The following MAP2K3 variants were observed in gnomAD, a reference collection of about 807,000 sequenced individuals.
The protein encoded by MAP2K3 is mitogen-activated protein kinase kinase 3, also known as dual specificity mitogen-activated protein kinase kinase 3.
A neutral mutation model predicts 46.4 loss-of-function variants in MAP2K3; 30 were observed. That is an observed-to-expected ratio of 0.65 (90% CI 0.48 to 0.88). The LOEUF (loss-of-function observed/expected upper bound fraction) is 0.88. Ranked by LOEUF, MAP2K3 falls within the 40% of genes least tolerant of loss-of-function variation. The pLI is 0.00. For synonymous variants in MAP2K3, 189 were observed against 176.3 expected (o/e 1.07, Z -0.57); for missense variants, 380 against 464.5 (o/e 0.82, Z 1.67).
chr17:21,296,482 G>T (rs576762175), intron 1 of MAP2K3, among the ~76,000 whole-genome samples: 1 of 152,430 alleles, frequency 6.6e-6, no homozygotes, highest in Admixed American at 6.5e-5. Flanking sequence ...CGAGACTTGG[G>T]CCCCTCCTTC....
At chr17:21,307,388 G>A (rs575039610) in intron 9 of MAP2K3, among the ~76,000 whole-genome samples, 3 of 152,378 alleles carry the variant, frequency 2.0e-5, no homozygotes, top group African/African-American at 7.2e-5. Context: ...AGGTAGGGGT[G>A]GCTCTGGGGA....
intron 9 of MAP2K3, among the ~76,000 whole-genome samples, chr17:21,310,936 C>A (rs73982791): frequency 1.3e-5 from 2 of 152,212 alleles, no homozygotes; most frequent in African/African-American, 4.8e-5. Flanking sequence ...CTCTCATGGC[C>A]GCTGGTCCTT....
intron 1 of MAP2K3, among the ~76,000 whole-genome samples, chr17:21,297,383 G>T (rs1976317609): frequency 6.6e-6 from 1 of 152,312 alleles, no homozygotes; most frequent in African/African-American, 2.4e-5. Flanking sequence ...CCAAGATGTG[G>T]CAGGATCATG....
At chr17:21,304,314 G>C (rs997909718) in intron 7 of MAP2K3, 112 bp from the exon 8 acceptor site, 2 of 1,572,638 alleles carry the variant, frequency 1.3e-6, no homozygotes, top group East Asian at 2.2e-5. Flanking sequence ...GGGCATGGGA[G>C]GGGGCACAGG....
At chr17:21,285,208 A>G in intron 1 of MAP2K3, 1 of 981,474 alleles carries the variant, frequency 1.0e-6, no homozygotes, top group East Asian at 1.1e-4. Context: ...CTGGACCCAG[A>G]CTAGGACTTT....
At position 21,312,188 on chromosome 17, in the gene MAP2K3, C is replaced by T. The variant is rs1254611514; in HGVS notation, c.821C>T (p.Pro274Leu). The T allele has an allele frequency of 5.0e-6, 8 of 1,595,214 alleles. No homozygotes were observed. The highest frequency in any genetic ancestry group is 3.4e-5 in the South Asian group (3 of 88,832). The change falls in exon 10 of 12, where the codon CCG (proline) becomes CTG (leucine). Residue 274 changes from proline (P) to leucine (L), a missense_variant. Pro to Leu is a moderately conservative substitution (Grantham distance 98). This residue lies in a region of MAP2K3 where 10 missense variants were observed against 30.0 expected (regional missense o/e 0.33). Coordinates refer to ENST00000342679, the MANE Select transcript of MAP2K3 (RefSeq NM_145109.3). ...TTCCCTTACGAGTCCTGGGGGACCC[C>T]GTTCCAGCAGCTGAAGCAGGTGGTG... Reference protein sequence around the residue: ...LRFPYESWGTPFQQLKQVVEE... With the variant: ...LRFPYESWGTLFQQLKQVVEE...
intron 5 of MAP2K3, 92 bp from the exon 6 acceptor site, chr17:21,302,047 GGGGC>G (rs1976632346): frequency 8.5e-6 from 9 of 1,065,006 alleles, no homozygotes; most frequent in Non-Finnish European, 1.2e-5. Context: ...CGTCGGAGAG[GGGGC>G]TGGGGCTGGG....
At chr17:21,286,359 G>A (rs991284467) in intron 1 of MAP2K3, among the ~76,000 whole-genome samples, 3 of 152,264 alleles carry the variant, frequency 2.0e-5, no homozygotes, top group Non-Finnish European at 2.9e-5. Context: ...CCGCTCTTCT[G>A]TTCTGGAGGG....
At chr17:21,298,616 G>A in intron 2 of MAP2K3, 137 bp downstream of exon 2, 2 of 1,411,834 alleles carry the variant, frequency 1.4e-6, no homozygotes, top group Non-Finnish European at 2.0e-6. Context: ...TGTGCATACA[G>A]CCAGGTGACG....
intron 1 of MAP2K3, chr17:21,295,486 TTGC>T: frequency 1.2e-6 from 1 of 817,618 alleles, no homozygotes; most frequent in African/African-American, 1.9e-5. Context: ...GTGGTGATGG[TTGC>T]CACAACGGCT....
In MAP2K3 at chr17:21,304,407, G is replaced by T; in HGVS notation, c.569-19G>T. 1 of 1,614,288 alleles carries T rather than the reference G, an allele frequency of 6.2e-7. No individual in the cohort carries two copies. On this transcript the variant is annotated intron_variant, in intron 7 of 11. Coordinates refer to ENST00000342679, the MANE Select transcript of MAP2K3 (RefSeq NM_145109.3). The stretch of plus-strand genomic sequence containing the variant: ...GTCGTGCTCCACAGACGTGGCTGAG[G>T]CATGTCCCTCCCTGGCAGATGTGAA...
intron 11 of MAP2K3, chr17:21,313,752 G>T (rs542399514): frequency 1.7e-6 from 1 of 603,634 alleles, no homozygotes; most frequent in East Asian, 2.8e-5. Flanking sequence ...GGGTACACAG[G>T]CAGTGTGTGA....
At chr17:21,288,085 T>C in intron 1 of MAP2K3, 3 of 1,289,214 alleles carry the variant, frequency 2.3e-6, no homozygotes, top group Non-Finnish European at 3.0e-6. Context: ...AGCGGAGGCT[T>C]CCGGCGGTGA....
intron 1 of MAP2K3, among the ~76,000 whole-genome samples, chr17:21,297,575 A>G (rs62057664): frequency 6.6e-6 from 1 of 152,306 alleles, no homozygotes; most frequent in Non-Finnish European, 1.5e-5. Context: ...GCTATGCCTT[A>G]TTCAAAGGGC....
chr17:21,285,197 G>C (rs1375082321), intron 1 of MAP2K3: 2 of 973,432 alleles, frequency 2.1e-6, no homozygotes, highest in East Asian at 2.3e-4. Flanking sequence ...GATCACCCAG[G>C]CTGGACCCAG....
intron 1 of MAP2K3, among the ~76,000 whole-genome samples, chr17:21,288,263 G>A (rs1975781689): frequency 6.6e-6 from 1 of 152,234 alleles, no homozygotes; most frequent in African/African-American, 2.4e-5. Context: ...CCTGGGCCTC[G>A]GACTGGGCTG....
intron 1 of MAP2K3, 121 bp from the exon 2 acceptor site, chr17:21,298,292 C>G: frequency 7.0e-7 from 1 of 1,423,814 alleles, no homozygotes; most frequent in Non-Finnish European, 9.9e-7. Flanking sequence ...AGAGGGGGCT[C>G]CCGGCATGGG....
chr17:21,302,456 T>G (rs1408587851), intron 6 of MAP2K3, among the ~76,000 whole-genome samples, 197 bp downstream of exon 6: 1 of 152,308 alleles, frequency 6.6e-6, no homozygotes. Flanking sequence ...TTAGGAGACC[T>G]CCGCTCCTGG....
chr17:21,291,958 G>A (rs1162960783), intron 1 of MAP2K3, among the ~76,000 whole-genome samples: 2 of 152,310 alleles, frequency 1.3e-5, no homozygotes, highest in African/African-American at 2.4e-5. Context: ...CACAGAGAGG[G>A]AGTGTGGCTC....
Sources: gnomAD v4.1 joint callset for allele counts (sites outside exome capture counted in the v4.1 genomes callset) on GRCh38, gnomAD v4.1.1 for gene constraint, gnomAD v4.1.1 regional missense constraint, MANE v1.5 for transcripts, NCBI Gene and HGNC (gene_info 2026-07-23, HGNC 2026-07-21) for gene names.